The following ZFHX3 variants were observed in gnomAD, a reference collection of about 807,000 sequenced individuals.
ZFHX3 encodes the protein zinc finger homeobox protein 3.
Under a neutral mutation model 279.1 loss-of-function variants are expected in ZFHX3, and 42 were observed. The observed-to-expected ratio is 0.15, with a 90% CI of 0.12 to 0.19. ZFHX3 has a LOEUF of 0.19. Ranked by LOEUF, ZFHX3 falls within the 10% of genes least tolerant of loss-of-function variation. The pLI, the probability that ZFHX3 is intolerant of heterozygous loss-of-function variation, is 1.00. For missense variants in ZFHX3, 4,981 were observed against 4,754.0 expected, an observed-to-expected ratio of 1.05 and a Z score of -1.40; for synonymous variants, 2,293 against 1,957.8, an observed-to-expected ratio of 1.17 and a Z score of -4.52.
chr16:73,395,298 T>C (rs2017104757), intron 3 of ZFHX3, among the ~76,000 whole-genome samples: 1 of 152,154 alleles, frequency 6.6e-6, no homozygotes, highest in African/African-American at 2.4e-5. Context: ...ACCCTGTCTC[T>C]ACTAAAAATA....
chr16:73,236,284 T>G (rs1386799068), intron 5 of ZFHX3, among the ~76,000 whole-genome samples: 2 of 152,198 alleles, frequency 1.3e-5, no homozygotes, highest in African/African-American at 2.4e-5. Flanking sequence ...AGGCATGATG[T>G]AATGCCATCT....
chr16:72,907,177 G>C (rs1443081449), intron 3 of ZFHX3, among the ~76,000 whole-genome samples: 1 of 152,146 alleles, frequency 6.6e-6, no homozygotes, highest in African/African-American at 2.4e-5. Context: ...AAAGGCTTAA[G>C]TCTTAAAACA....
chr16:73,363,560 T>C (rs1056769026), intron 3 of ZFHX3, among the ~76,000 whole-genome samples: 3 of 151,936 alleles, frequency 2.0e-5, no homozygotes, highest in African/African-American at 4.8e-5. Context: ...ATTTTTTTTT[T>C]CCCAAATGAG....
intron 7 of ZFHX3, chr16:73,127,243 T>A (rs1199402262): frequency 2.0e-5 from 19 of 970,534 alleles, no homozygotes; most frequent in Non-Finnish European, 2.6e-5. Flanking sequence ...TTAGTATCGA[T>A]CAGAGCTAAA....
At position 73,262,404 on chromosome 16, in the gene ZFHX3, G is replaced by A. The variant is rs562685997; in HGVS notation, c.-1193-5268C>T. On this transcript the variant is annotated intron_variant, in intron 4 of 17. Transcript: ENST00000641206. ...AGCAGCTGATGCCATGGCTTTTAGA[G>A]TCAGGAAACTTACACTGATAGTCCA... 1.4e-4 allele frequency among the ~76,000 whole-genome samples: 22 copies of A among 152,316 alleles called. No homozygotes were observed. In the South Asian group the frequency reaches 4.1e-3, roughly 29 times the overall value.
rs1298398363 is a variant in ZFHX3 at position 73,048,072 on chromosome 16, CCCG to C, written c.-373_-371del. ...CGCTGGCGTCCGGGTCCCCGGCCTG[CCCG>C]CCGCCGCCGCCTCCTCCTCTGCCGC... On this transcript the variant is annotated 5_prime_UTR_variant, in exon 1 of 10. Transcript: ENST00000268489. 3.9e-5 allele frequency: 6 copies of C among 151,950 alleles called. No homozygotes were observed. Among genetic ancestry groups the C allele is most frequent in the Admixed American group, 6.6e-5 (1 of 15,206 alleles). 9.4% of individuals were successfully genotyped at this position (151,950 alleles called of 1,614,324 possible).
chr16:73,760,881 C>T (rs2053857196), intron 1 of ZFHX3, among the ~76,000 whole-genome samples: 1 of 151,478 alleles, frequency 6.6e-6, no homozygotes, highest in Non-Finnish European at 1.5e-5. Flanking sequence ...ACTAAATGGG[C>T]AAAAGCTGGA....
At chr16:73,013,880 G>C (rs1028315222) in intron 1 of ZFHX3, among the ~76,000 whole-genome samples, 3 of 152,104 alleles carry the variant, frequency 2.0e-5, no homozygotes, top group Non-Finnish European at 4.4e-5. Flanking sequence ...TGCAGTAGCT[G>C]AATAACAACC....
intron 3 of ZFHX3, among the ~76,000 whole-genome samples, chr16:73,387,829 C>A (rs1252720182): frequency 6.6e-6 from 1 of 151,990 alleles, no homozygotes; most frequent in African/African-American, 2.4e-5. Context: ...CTTGTTGGAA[C>A]ACCCAGGAAA....
At chr16:72,982,691 G>A (rs1399364899) in intron 1 of ZFHX3, among the ~76,000 whole-genome samples, 2 of 152,106 alleles carry the variant, frequency 1.3e-5, no homozygotes, top group African/African-American at 4.8e-5. Flanking sequence ...ATGGTGGAGG[G>A]CCCGAGAAAC....
intron 1 of ZFHX3, among the ~76,000 whole-genome samples, chr16:73,786,459 G>A (rs1023727392): frequency 6.6e-6 from 1 of 152,014 alleles, no homozygotes; most frequent in Non-Finnish European, 1.5e-5. Context: ...TTCAGGAAGG[G>A]ACCTGGTTGT....
intron 3 of ZFHX3, among the ~76,000 whole-genome samples, chr16:73,380,916 C>T (rs2016809036): frequency 6.6e-6 from 1 of 152,106 alleles, no homozygotes; most frequent in South Asian, 2.1e-4. Flanking sequence ...AATTTCAACC[C>T]TAGGTTCTCT....
chr16:73,515,870 GT>G (rs1056030321), intron 2 of ZFHX3, among the ~76,000 whole-genome samples: 8 of 152,278 alleles, frequency 5.3e-5, no homozygotes, highest in Non-Finnish European at 7.3e-5. Flanking sequence ...GGCTAACTCA[GT>G]CAAACAAGCC....
intron 1 of ZFHX3, among the ~76,000 whole-genome samples, chr16:73,001,932 C>T (rs1233788773): frequency 6.6e-6 from 1 of 152,144 alleles, no homozygotes. Context: ...CACCATGTGG[C>T]ATTACCTATC....
At chr16:73,395,509 G>A (rs2143411979) in intron 3 of ZFHX3, among the ~76,000 whole-genome samples, 1 of 151,626 alleles carries the variant, frequency 6.6e-6, no homozygotes, top group South Asian at 2.1e-4. Flanking sequence ...ATGCCAAGAG[G>A]GTCACCCTGC....
intron 5 of ZFHX3, among the ~76,000 whole-genome samples, chr16:73,231,589 T>C (rs1191280519): frequency 2.0e-5 from 3 of 152,154 alleles, no homozygotes; most frequent in Non-Finnish European, 4.4e-5. Context: ...GATCAATAGT[T>C]CGTTCCAGCT....
intron 4 of ZFHX3, among the ~76,000 whole-genome samples, chr16:72,852,743 A>G (rs1002260693): frequency 1.3e-5 from 2 of 152,208 alleles, no homozygotes. Flanking sequence ...GTAATGTTGA[A>G]TGCTCAAGAG....
chr16:73,402,411 C>G (rs1455068124), intron 3 of ZFHX3: 1 of 152,206 alleles, frequency 6.6e-6, no homozygotes, highest in Non-Finnish European at 1.5e-5. Context: ...TGGCCTGATA[C>G]TTTTGTAAAA....
At chr16:73,168,708 A>C (rs537943105) in intron 5 of ZFHX3, among the ~76,000 whole-genome samples, 2 of 152,262 alleles carry the variant, frequency 1.3e-5, no homozygotes, top group South Asian at 4.2e-4. Context: ...ACTTGTTCCA[A>C]GGGCAACAGA....
Sources: gnomAD v4.1 joint callset for allele counts (sites outside exome capture counted in the v4.1 genomes callset) on GRCh38, gnomAD v4.1.1 for gene constraint, MANE v1.5 for transcripts, NCBI Gene and HGNC (gene_info 2026-07-23, HGNC 2026-07-21) for gene names.